Variants in DLX4 observed in about 807,000 individuals in gnomAD.
DLX4 encodes the protein homeobox protein DLX-4.
Under a neutral mutation model 17.1 loss-of-function variants are expected in DLX4, and 13 were observed. The ratio of observed to expected loss-of-function variants is 0.76; its 90% CI spans 0.49 to 1.21. The LOEUF (loss-of-function observed/expected upper bound fraction) is 1.21. DLX4 is among the 50% of genes most tolerant of loss of function. The pLI is 0.00. For synonymous variants in DLX4, 129 were observed against 140.3 expected (o/e 0.92, Z 0.57); for missense variants, 297 against 301.4 (o/e 0.99, Z 0.11).
In DLX4 at chr17:49,973,397, T is replaced by C. The variant is rs756852050; in HGVS notation, c.480+128T>C. ...CCTGTTGTCACAGTTCTCCAGGGAA[T>C]GTTCATAGCTGGCTCTTAGTAAGCC... On this transcript the variant is annotated intron_variant, in intron 2 of 2. Transcript: ENST00000240306. 1.2e-5 allele frequency: 16 copies of C among 1,349,262 alleles called. No homozygotes were observed. The East Asian group carries it at 2.7e-4, about 23-fold the overall frequency. The allele number at this position is 1,349,262 out of a possible 1,614,324, so 83.6% of individuals were successfully genotyped here. A position where few individuals can be genotyped will look rare whatever the true frequency, so the allele number is the denominator to read the frequency against.
At chr17:49,970,312 C>A (rs1403941198) in intron 1 of DLX4, among the ~76,000 whole-genome samples, 1 of 152,214 alleles carries the variant, frequency 6.6e-6, no homozygotes, top group Non-Finnish European at 1.5e-5. Context: ...CCAGGCCTGA[C>A]CTTGACTGGA....
chr17:49,972,475 GA>G lies in DLX4; in HGVS notation c.284-597del, dbSNP rs1905540973. ...TTTTCCTGCAGGGTGCGCCTGAGCA[GA>G]GGGGCAGCCCGTTACAGTAGGCGAG... On this transcript the variant is annotated intron_variant, in intron 1 of 2. Coordinates refer to ENST00000240306, the MANE Select transcript of DLX4 (RefSeq NM_138281.3). This position sits in a 1 kb window ranked among gnomAD's most constrained non-coding sequence, Gnocchi z 5.4. The G allele has an allele frequency of 6.5e-6, 1 of 153,896 alleles. No individual in the cohort carries two copies. 9.5% of individuals were successfully genotyped at this position (153,896 alleles called of 1,614,324 possible).
Position 49,972,117 on chromosome 17 carries a change from T to G in DLX4, c.284-956T>G, listed in dbSNP as rs962919868. The G allele has an allele frequency of 2.2e-4, 33 of 152,334 alleles. No individual in the cohort carries two copies. The highest frequency in any genetic ancestry group is 6.8e-4 in the African/African-American group (28 of 41,424). 9.4% of individuals were successfully genotyped at this position (152,334 alleles called of 1,614,324 possible). A position where few individuals can be genotyped will look rare whatever the true frequency, so the allele number is the denominator to read the frequency against. On this transcript the variant is annotated intron_variant, in intron 1 of 2. Transcript: ENST00000240306. The surrounding 1 kb of genome is among the most constrained non-coding windows in gnomAD (Gnocchi z 5.4). ...CAGCGTCCCCGTAGAGCCGCGCAGG[T>G]TAGGGTGGCTGGCTTGGAAGAACAG...
intron 2 of DLX4, 82 bp downstream of exon 2, chr17:49,973,351 C>CT: frequency 6.5e-7 from 1 of 1,537,060 alleles, no homozygotes; most frequent in Non-Finnish European, 8.8e-7. Flanking sequence ...CTGTGAATGA[C>CT]TGATGGATTG....
chr17:49,970,671 G>C (rs1156293553), intron 1 of DLX4, among the ~76,000 whole-genome samples: 2 of 152,284 alleles, frequency 1.3e-5, no homozygotes, highest in Admixed American at 6.5e-5. Context: ...TTAGCCTCCA[G>C]GTCTCTGGAC....
Position 49,972,722 on chromosome 17 carries a change from C to T in DLX4, c.284-351C>T. The T allele has an allele frequency of 7.3e-7, 1 of 1,370,030 alleles. No homozygotes were observed. The highest frequency in any genetic ancestry group is 1.8e-5 in the South Asian group (1 of 55,504). 84.9% of individuals were successfully genotyped at this position (1,370,030 alleles called of 1,614,324 possible). On this transcript the variant is annotated intron_variant, in intron 1 of 2. Coordinates refer to ENST00000240306, the MANE Select transcript of DLX4 (RefSeq NM_138281.3). This position sits in a 1 kb window ranked among gnomAD's most constrained non-coding sequence, Gnocchi z 5.4. Reference sequence around the variant, plus strand: ...GACCTAGCCTTTCTGCCCCGCCCTACCCCAAGCTGGCGCCACCGCCCGTGG... The same window carrying T: ...GACCTAGCCTTTCTGCCCCGCCCTATCCCAAGCTGGCGCCACCGCCCGTGG...
Position 49,974,040 on chromosome 17 carries a change from C to T in DLX4, c.*97C>T. ...CTTCTGGGCTGGGAGGAAACCAGCT[C>T]CAGATGGGTTTTCTCTGGAGGACAA... On this transcript the variant is annotated 3_prime_UTR_variant, in exon 3 of 3. Coordinates refer to ENST00000240306, the MANE Select transcript of DLX4 (RefSeq NM_138281.3). 7.0e-7 allele frequency: 1 copy of T among 1,425,026 alleles called. No individual in the cohort carries two copies. Among genetic ancestry groups the T allele is most frequent in the Non-Finnish European group, 9.2e-7 (1 of 1,085,566 alleles). 88.3% of individuals were successfully genotyped at this position (1,425,026 alleles called of 1,614,324 possible).
At chr17:49,973,034 C>A in intron 1 of DLX4, 39 bp from the exon 2 acceptor site, 4 of 1,604,692 alleles carry the variant, frequency 2.5e-6, no homozygotes, top group Non-Finnish European at 3.4e-6. Flanking sequence ...CCCCCTCGCT[C>A]CCTCCTCGCC....
chr17:49,969,155 A>C, upstream of DLX4: 1 of 270,528 alleles, frequency 3.7e-6, no homozygotes, highest in Non-Finnish European at 6.9e-6. Flanking sequence ...CGCGGGCGGT[A>C]GCCAATCCGG....
At chr17:49,969,823 C>G (rs1339168596) in intron 1 of DLX4, 72 bp downstream of exon 1, 6 of 1,378,950 alleles carry the variant, frequency 4.4e-6, no homozygotes, top group Non-Finnish European at 5.7e-6. Flanking sequence ...TTCTCCCTCG[C>G]CTGGTTGGAC....
intron 2 of DLX4, 183 bp from the exon 3 acceptor site, chr17:49,973,518 T>C: frequency 2.1e-6 from 2 of 971,424 alleles, no homozygotes; most frequent in South Asian, 3.2e-5. Context: ...ACATGGATAC[T>C]AGCTCAGAGG....
In DLX4 at chr17:49,972,757, G is replaced by T. The variant is rs1255754183; in HGVS notation, c.284-316G>T. 7 of 1,378,258 alleles carry T rather than the reference G, an allele frequency of 5.1e-6. No individual in the cohort carries two copies. Among genetic ancestry groups the T allele is most frequent in the Non-Finnish European group, 6.5e-6 (7 of 1,071,482 alleles). The allele number at this position is 1,378,258 out of a possible 1,614,324, so 85.4% of individuals were successfully genotyped here. A position where few individuals can be genotyped will look rare whatever the true frequency, so the allele number is the denominator to read the frequency against. On this transcript the variant is annotated intron_variant, in intron 1 of 2. Coordinates refer to ENST00000240306, the MANE Select transcript of DLX4 (RefSeq NM_138281.3). This position sits in a 1 kb window ranked among gnomAD's most constrained non-coding sequence, Gnocchi z 5.4. Reference sequence around the variant, plus strand: ...GCGCCACCGCCCGTGGCTGAACTCCGACCTCCCACCGCAGGCGCCGCGGTA... The same window carrying T: ...GCGCCACCGCCCGTGGCTGAACTCCTACCTCCCACCGCAGGCGCCGCGGTA...
At chr17:49,968,749 G>A (rs951333749), upstream of DLX4, among the ~76,000 whole-genome samples, 2 of 152,218 alleles carry the variant, frequency 1.3e-5, no homozygotes, top group Admixed American at 6.5e-5. Context: ...GCTCAGCAGC[G>A]GCGCATTCCG....
chr17:49,972,977 CG>C lies in DLX4; in HGVS notation c.284-94del. The C allele has an allele frequency of 6.5e-7, 1 of 1,544,136 alleles. No homozygotes were observed. Among genetic ancestry groups the C allele is most frequent in the Admixed American group, 1.9e-5 (1 of 51,864 alleles). ...TGCGCTTTTTGCTATTTGCTGCCGA[CG>C]GCATGCAGACGAGATGCAAATAAGC... On this transcript the variant is annotated intron_variant, in intron 1 of 2. Coordinates refer to ENST00000240306, the MANE Select transcript of DLX4 (RefSeq NM_138281.3). This position sits in a 1 kb window ranked among gnomAD's most constrained non-coding sequence, Gnocchi z 5.4.
At position 49,972,788 on chromosome 17, in the gene DLX4, G is replaced by C; in HGVS notation, c.284-285G>C. The stretch of plus-strand genomic sequence containing the variant: ...CCACCGCAGGCGCCGCGGTACCCTG[G>C]CTGTGGCCCTCGGCGCTTTCTTCCT... On this transcript the variant is annotated intron_variant, in intron 1 of 2. Transcript: ENST00000240306. This position sits in a 1 kb window ranked among gnomAD's most constrained non-coding sequence, Gnocchi z 5.4. 7.2e-7 allele frequency: 1 copy of C among 1,388,110 alleles called. No individual in the cohort carries two copies. Among genetic ancestry groups the C allele is most frequent in the South Asian group, 1.8e-5 (1 of 56,634 alleles). 86.0% of individuals were successfully genotyped at this position (1,388,110 alleles called of 1,614,324 possible). A position where few individuals can be genotyped will look rare whatever the true frequency, so the allele number is the denominator to read the frequency against.
intron 1 of DLX4, among the ~76,000 whole-genome samples, chr17:49,969,981 G>A (rs1042586668): frequency 6.6e-6 from 1 of 152,134 alleles, no homozygotes; most frequent in African/African-American, 2.4e-5. Flanking sequence ...TCGATTTGCA[G>A]TTGTGTAAAG....
Position 49,974,517 on chromosome 17 carries a change from C to T in DLX4, c.*574C>T, listed in dbSNP as rs1905649396. 1 of 149,018 alleles carries T rather than the reference C, an allele frequency of 6.7e-6. No individual in the cohort carries two copies. The highest frequency in any genetic ancestry group is 2.1e-4 in the South Asian group (1 of 4,702). The allele number at this position is 149,018 out of a possible 1,614,324, so 9.2% of individuals were successfully genotyped here. The stretch of plus-strand genomic sequence containing the variant: ...ATAACTGATTTACCTACTTACCATA[C>T]TGGGAGGTAGAAGAGATGCAGAGAA... On this transcript the variant is annotated 3_prime_UTR_variant, in exon 3 of 3. Transcript: ENST00000240306.
chr17:49,973,361 G>A (rs773499716), intron 2 of DLX4, 92 bp downstream of exon 2: 2 of 1,507,966 alleles, frequency 1.3e-6, no homozygotes, highest in African/African-American at 2.8e-5. Flanking sequence ...CTGATGGATT[G>A]GTGCTGTGGC....
chr17:49,969,689 A>C lies in DLX4; in HGVS notation c.221A>C (p.Gln74Pro). The C allele has an allele frequency of 6.2e-7, 1 of 1,604,454 alleles. No homozygotes were observed. The highest frequency in any genetic ancestry group is 1.1e-5 in the South Asian group (1 of 90,974). ...GGAGACTCCTACCTGTCCTGCCAGC[A>C]ACCCGCGGCGCTCTCTCAGCCCCTC... is the stretch of plus-strand genomic sequence containing the variant. Reference protein sequence around the residue: ...NPGDSYLSCQQPAALSQPLCG... With the variant: ...NPGDSYLSCQPPAALSQPLCG... Residue 74 changes from glutamine (Q) to proline (P), a missense_variant, in exon 1 of 3, where the codon CAA becomes CCA. Coordinates refer to ENST00000240306, the MANE Select transcript of DLX4 (RefSeq NM_138281.3).
Sources: allele counts gnomAD v4.1 joint callset (sites outside exome capture counted in the v4.1 genomes callset), GRCh38; gene constraint gnomAD v4.1.1; non-coding constraint Gnocchi (gnomAD v3.1); transcripts MANE v1.5; gene names NCBI Gene and HGNC (gene_info 2026-07-23, HGNC 2026-07-21).